CUX1: variants seen among roughly 807,000 people sequenced by gnomAD.
The protein encoded by CUX1 is protein CASP.
A neutral mutation model predicts 158.8 loss-of-function variants in CUX1; 31 were observed. The observed-to-expected ratio is 0.20, with a 90% confidence interval of 0.15 to 0.26. The LOEUF (loss-of-function observed/expected upper bound fraction) is 0.26, where lower values mean the gene tolerates loss of function less well. Among genes scored for constraint, CUX1 ranks in the 10% least tolerant of loss-of-function variants. The pLI is 1.00. For synonymous variants in CUX1, 879 were observed against 862.1 expected (o/e 1.02, Z -0.34); for missense variants, 1,589 against 2,014.6 (o/e 0.79, Z 4.04).
At chr7:102,209,282 T>G (rs1369140251) in intron 20 of CUX1, among the ~76,000 whole-genome samples, 2 of 152,196 alleles carry the variant, frequency 1.3e-5, no homozygotes, top group African/African-American at 4.8e-5. Context: ...CACTTTTTCC[T>G]CTTGGTGGAT....
At chr7:102,106,901 C>T (rs868994675) in intron 6 of CUX1, among the ~76,000 whole-genome samples, 4 of 152,174 alleles carry the variant, frequency 2.6e-5, no homozygotes, top group African/African-American at 4.8e-5. Flanking sequence ...ATCATGAAGG[C>T]CTCTGAGGAA....
chr7:101,949,030 T>G (rs1182033492), intron 2 of CUX1, among the ~76,000 whole-genome samples: 1 of 152,242 alleles, frequency 6.6e-6, no homozygotes, highest in Admixed American at 6.5e-5. Flanking sequence ...AGTGGCATTT[T>G]AATTTTATTT....
intron 21 of CUX1, among the ~76,000 whole-genome samples, chr7:102,282,363 G>A (rs955138761): frequency 1.3e-5 from 2 of 152,152 alleles, no homozygotes; most frequent in Non-Finnish European, 2.9e-5. Context: ...GGGGAGAAGA[G>A]GGGTGGAAGG....
intron 14 of CUX1, among the ~76,000 whole-genome samples, chr7:102,268,963 G>T (rs1169079202): frequency 6.7e-6 from 1 of 149,604 alleles, no homozygotes; most frequent in African/African-American, 2.5e-5. Flanking sequence ...TTGAGACAGG[G>T]TCTTACTCTG....
At chr7:101,891,025 G>A (rs1435575907) in intron 1 of CUX1, among the ~76,000 whole-genome samples, 3 of 151,900 alleles carry the variant, frequency 2.0e-5, no homozygotes, top group African/African-American at 7.3e-5. Context: ...ATATGATTTT[G>A]TGTCACATTT....
At chr7:102,041,633 C>T (rs1202621732) in intron 3 of CUX1, among the ~76,000 whole-genome samples, 2 of 149,952 alleles carry the variant, frequency 1.3e-5, no homozygotes, top group Non-Finnish European at 3.0e-5. Context: ...CTCTTCTCAT[C>T]TCTAATAGGG....
At position 102,221,737 on chromosome 7, in the gene CUX1, T is replaced by TAA. The variant is rs60706791; in HGVS notation, c.3131-5607_3131-5606dup. 4.0e-3 allele frequency among the ~76,000 whole-genome samples: 535 copies of TAA among 134,040 alleles called. 5 individuals are homozygous for TAA. Among genetic ancestry groups the TAA allele is most frequent in the African/African-American group, 0.012 (399 of 34,540 alleles). 87.9% of individuals were successfully genotyped at this position (134,040 alleles called of 152,430 possible). The stretch of plus-strand genomic sequence containing the variant: ...CTCTTATGCCAGATTCAGTGCCTTG[T>TAA]AAAAAAAAAAAAAAAAAAAAAAAAT... On this transcript the variant is annotated intron_variant, in intron 20 of 23. Transcript: ENST00000292535.
intron 10 of CUX1, among the ~76,000 whole-genome samples, chr7:102,170,948 G>A (rs1316493244): frequency 6.7e-6 from 1 of 150,364 alleles, no homozygotes; most frequent in Non-Finnish European, 1.5e-5. Context: ...TCCAAGATGA[G>A]GAACAGTTCA....
intron 2 of CUX1, among the ~76,000 whole-genome samples, chr7:101,979,574 G>T (rs887923152): frequency 6.6e-6 from 1 of 152,194 alleles, no homozygotes; most frequent in Non-Finnish European, 1.5e-5. Context: ...GGTAGGATGG[G>T]CTCCCAGCTA....
chr7:102,123,538 G>A (rs1298353201), intron 8 of CUX1, among the ~76,000 whole-genome samples: 2 of 150,090 alleles, frequency 1.3e-5, no homozygotes, highest in Non-Finnish European at 3.0e-5. Context: ...GAACCCGGGA[G>A]GCAGAGCTTG....
At chr7:101,840,551 G>A (rs1471148326) in intron 1 of CUX1, among the ~76,000 whole-genome samples, 3 of 152,130 alleles carry the variant, frequency 2.0e-5, no homozygotes. Context: ...ACTATATGAT[G>A]TTGAATCATT....
At chr7:101,930,267 A>T (rs1460870464) in intron 2 of CUX1, among the ~76,000 whole-genome samples, 2 of 152,070 alleles carry the variant, frequency 1.3e-5, no homozygotes, top group African/African-American at 4.8e-5. Flanking sequence ...TGTCAGGGGG[A>T]ATGTTTTCTA....
At position 102,249,480 on chromosome 7, in the gene CUX1, A is replaced by C; in HGVS notation, c.*438A>C. The C allele has an allele frequency of 3.0e-6, 3 of 985,670 alleles. No homozygotes were observed. Among genetic ancestry groups the C allele is most frequent in the Non-Finnish European group, 3.6e-6 (3 of 829,702 alleles). 61.1% of individuals were successfully genotyped at this position (985,670 alleles called of 1,614,324 possible). On this transcript the variant is annotated 3_prime_UTR_variant, in exon 24 of 24. Transcript: ENST00000292535. ...GTGGTCGAGCTTTTTTGTACCCTGA[A>C]GTGTTTTTTTTATTGCCCTAAGTGA... is the stretch of plus-strand genomic sequence containing the variant.
chr7:101,997,206 C>T (rs1816037912), intron 2 of CUX1, among the ~76,000 whole-genome samples: 1 of 151,716 alleles, frequency 6.6e-6, no homozygotes, highest in Non-Finnish European at 1.5e-5. Flanking sequence ...TCCCCGTCCC[C>T]AGAGTGGGGA....
At chr7:102,110,799 C>T (rs1317251249) in intron 6 of CUX1, among the ~76,000 whole-genome samples, 3 of 152,062 alleles carry the variant, frequency 2.0e-5, no homozygotes, top group Non-Finnish European at 4.4e-5. Flanking sequence ...CATATGATGT[C>T]GTATTTCTGT....
intron 18 of CUX1, 21 bp from the exon 19 acceptor site, chr7:102,204,370 G>A (rs1554520499): frequency 6.2e-6 from 10 of 1,611,966 alleles, no homozygotes; most frequent in Non-Finnish European, 8.5e-6. Context: ...CTGATGGCCT[G>A]TGTGTTCGGT....
In CUX1 at chr7:102,250,508, T is replaced by C. The variant is rs2132645705; in HGVS notation, c.*1466T>C. 2.0e-6 allele frequency: 2 copies of C among 985,498 alleles called. No individual in the cohort carries two copies. Among genetic ancestry groups the C allele is most frequent in the South Asian group, 4.7e-5 (1 of 21,292 alleles). 61.0% of individuals were successfully genotyped at this position (985,498 alleles called of 1,614,324 possible). ...CCCACCGCAAGCACTGATGACCCTG[T>C]TGAACTCGTGGGAAACTTCCTTTCT... is the stretch of plus-strand genomic sequence containing the variant. On this transcript the variant is annotated 3_prime_UTR_variant, in exon 24 of 24. Coordinates refer to ENST00000292535, the MANE Select transcript of CUX1 (RefSeq NM_181552.4).
intron 1 of CUX1, among the ~76,000 whole-genome samples, chr7:101,875,339 C>T (rs913003294): frequency 6.6e-6 from 1 of 152,040 alleles, no homozygotes; most frequent in East Asian, 1.9e-4. Flanking sequence ...GAAATAGGGA[C>T]GAGGGCTTAG....
At chr7:101,993,145 C>T (rs1271293996) in intron 2 of CUX1, among the ~76,000 whole-genome samples, 1 of 152,090 alleles carries the variant, frequency 6.6e-6, no homozygotes. Context: ...GCCTGACCAA[C>T]ATGGCAAAAC....
Sources: gnomAD v4.1 joint callset for allele counts (sites outside exome capture counted in the v4.1 genomes callset) on GRCh38, gnomAD v4.1.1 for gene constraint, MANE v1.5 for transcripts, NCBI Gene and HGNC (gene_info 2026-07-23, HGNC 2026-07-21) for gene names.